CDH12: variants seen among roughly 807,000 people sequenced by gnomAD.
CDH12 encodes cadherin-12.
A neutral mutation model predicts 74.1 loss-of-function variants in CDH12; 41 were observed. The ratio of observed to expected loss-of-function variants is 0.55; its 90% CI spans 0.43 to 0.72. The LOEUF (loss-of-function observed/expected upper bound fraction) is 0.72. Among genes scored for constraint, CDH12 ranks in the 30% least tolerant of loss-of-function variants. The pLI, the probability that CDH12 is intolerant of heterozygous loss-of-function variation, is 0.00. For missense variants in CDH12, 945 were observed against 977.2 expected (o/e 0.97, Z 0.44); for synonymous variants, 399 against 355.0 (o/e 1.12, Z -1.39).
chr5:22,746,559 G>C (rs1447383514), intron 1 of CDH12, among the ~76,000 whole-genome samples: 1 of 152,074 alleles, frequency 6.6e-6, no homozygotes, highest in Middle Eastern at 3.2e-3. Context: ...AGACATTACA[G>C]GCATGCATGC....
At chr5:21,971,884 G>GAAGTCAGTA (rs1330727162) in intron 6 of CDH12, among the ~76,000 whole-genome samples, 1 of 152,148 alleles carries the variant, frequency 6.6e-6, no homozygotes, top group Non-Finnish European at 1.5e-5. Flanking sequence ...AGATGTAACA[G>GAAGTCAGTA]AAGTCAGTAA....
At chr5:22,675,656 C>A (rs986201418) in intron 1 of CDH12, among the ~76,000 whole-genome samples, 2 of 151,720 alleles carry the variant, frequency 1.3e-5, no homozygotes, top group African/African-American at 4.8e-5. Context: ...AGTTTCCCTG[C>A]ACAAGCTCTC....
chr5:22,822,951 C>T (rs1749788690), intron 1 of CDH12, among the ~76,000 whole-genome samples: 1 of 152,046 alleles, frequency 6.6e-6, no homozygotes. Context: ...TATTGCAGCA[C>T]TATTCACAAT....
intron 1 of CDH12, among the ~76,000 whole-genome samples, chr5:22,783,633 G>T (rs772198803): frequency 6.6e-6 from 1 of 152,096 alleles, no homozygotes; most frequent in Admixed American, 6.6e-5. Context: ...ATATGATGCT[G>T]TTGGACTTGT....
At chr5:21,804,638 A>AT (rs1747325035) in intron 9 of CDH12, among the ~76,000 whole-genome samples, 2 of 62,358 alleles carry the variant, frequency 3.2e-5, no homozygotes, top group Non-Finnish European at 7.4e-5. Flanking sequence ...TCTATAGTGA[A>AT]TTAAAACACA....
At chr5:22,033,371 A>T (rs1025375972) in intron 5 of CDH12, among the ~76,000 whole-genome samples, 2 of 152,218 alleles carry the variant, frequency 1.3e-5, no homozygotes, top group African/African-American at 4.8e-5. Flanking sequence ...TGGGTTTTCC[A>T]TTATCTCAAC....
intron 5 of CDH12, among the ~76,000 whole-genome samples, chr5:22,042,993 T>C (rs969331954): frequency 6.6e-6 from 1 of 151,834 alleles, no homozygotes; most frequent in Admixed American, 6.6e-5. Flanking sequence ...GGACCTGAAG[T>C]TTTTCACTGG....
intron 1 of CDH12, among the ~76,000 whole-genome samples, chr5:22,655,262 G>A (rs972180502): frequency 2.6e-5 from 4 of 151,976 alleles, no homozygotes; most frequent in Non-Finnish European, 2.9e-5. Context: ...TTCCTCACTG[G>A]TACTCCTACC....
intron 1 of CDH12, among the ~76,000 whole-genome samples, chr5:22,653,351 A>G (rs1412118758): frequency 6.6e-6 from 1 of 152,154 alleles, no homozygotes; most frequent in African/African-American, 2.4e-5. Context: ...GAAACATAGG[A>G]AGATAAATAT....
intron 3 of CDH12, among the ~76,000 whole-genome samples, chr5:22,364,838 G>A (rs1740962982): frequency 6.6e-6 from 1 of 152,054 alleles, no homozygotes; most frequent in African/African-American, 2.4e-5. Flanking sequence ...GTTTATCTGG[G>A]GCTAAAGGCA....
chr5:22,223,791 C>T (rs1039320100), intron 3 of CDH12, among the ~76,000 whole-genome samples: 4 of 151,788 alleles, frequency 2.6e-5, no homozygotes, highest in East Asian at 1.9e-4. Flanking sequence ...AGCTGGGCCG[C>T]GAGACAGTAT....
chr5:21,984,047 T>C (rs1168678067), intron 5 of CDH12, among the ~76,000 whole-genome samples: 1 of 152,206 alleles, frequency 6.6e-6, no homozygotes, highest in African/African-American at 2.4e-5. Context: ...GGAATTTGAG[T>C]CTTCGCCATT....
At chr5:22,243,149 G>T (rs1465452221) in intron 3 of CDH12, among the ~76,000 whole-genome samples, 1 of 152,076 alleles carries the variant, frequency 6.6e-6, no homozygotes, top group East Asian at 1.9e-4. Context: ...GAATTAGGTG[G>T]ACTGATATGG....
At chr5:22,316,502 G>A (rs900888389) in intron 3 of CDH12, among the ~76,000 whole-genome samples, 1 of 151,948 alleles carries the variant, frequency 6.6e-6, no homozygotes, top group Admixed American at 6.6e-5. Flanking sequence ...TGCATTCACA[G>A]AGAATTTTAC....
intron 3 of CDH12, among the ~76,000 whole-genome samples, chr5:22,358,661 T>C (rs182641585): frequency 7.9e-4 from 120 of 152,244 alleles, no homozygotes; most frequent in Non-Finnish European, 1.5e-3. Flanking sequence ...ATTGAATTCA[T>C]CAGAAATTGT....
intron 1 of CDH12, among the ~76,000 whole-genome samples, chr5:22,624,104 C>A (rs1228455434): frequency 1.3e-5 from 2 of 152,270 alleles, no homozygotes; most frequent in African/African-American, 4.8e-5. Context: ...GGAAAACTGG[C>A]TAGCCATATG....
At chr5:22,241,284 T>A (rs1580438402) in intron 3 of CDH12, among the ~76,000 whole-genome samples, 1 of 152,086 alleles carries the variant, frequency 6.6e-6, no homozygotes, top group East Asian at 1.9e-4. Context: ...CAAACTCTAA[T>A]TTACTATTTA....
chr5:21,781,774 C>T lies in CDH12; in HGVS notation c.1393+1584G>A, dbSNP rs189396190. The stretch of plus-strand genomic sequence containing the variant: ...TGGAGCACTATATTGGCACTATATT[C>T]ATAGAGATTTATGCATTTTAAAAAT... On this transcript the variant is annotated intron_variant, in intron 11 of 14. Coordinates refer to ENST00000382254, the MANE Select transcript of CDH12 (RefSeq NM_004061.5). Among the ~76,000 whole-genome samples, 47 of 150,280 alleles carry T rather than the reference C, an allele frequency of 3.1e-4. No homozygotes were observed. In the South Asian group the frequency reaches 3.6e-3, roughly 11 times the overall value.
chr5:21,949,487 C>T (rs1377199792), intron 6 of CDH12, among the ~76,000 whole-genome samples: 1 of 148,968 alleles, frequency 6.7e-6, no homozygotes, highest in Non-Finnish European at 1.5e-5. Context: ...AACTGTAAAA[C>T]AGCCTCACAG....
Sources: allele counts gnomAD v4.1 joint callset (sites outside exome capture counted in the v4.1 genomes callset), GRCh38; gene constraint gnomAD v4.1.1; transcripts MANE v1.5; gene names NCBI Gene and HGNC (gene_info 2026-07-23, HGNC 2026-07-21).